POC1B: variants seen among roughly 807,000 people sequenced by gnomAD.
The protein encoded by POC1B is POC1 centriolar protein B, also known as POC1 centriolar protein homolog B.
POC1B carries 44 observed loss-of-function variants against 60.6 expected under a neutral mutation model. That is an observed-to-expected ratio of 0.73 (90% CI 0.57 to 0.93). POC1B has a LOEUF of 0.93. Among genes scored for constraint, POC1B ranks in the 40% least tolerant of loss-of-function variants. POC1B has a pLI of 0.00. For missense variants in POC1B, 555 were observed against 572.3 expected (o/e 0.97, Z 0.31); for synonymous variants, 180 against 198.9 (o/e 0.90, Z 0.80).
intron 4 of POC1B, among the ~76,000 whole-genome samples, chr12:89,474,579 T>A (rs1203012282): frequency 6.6e-6 from 1 of 152,158 alleles, no homozygotes; most frequent in Admixed American, 6.5e-5. Context: ...CTACTGCTTG[T>A]CTCAATTTAC....
At chr12:89,474,367 G>A (rs1883026457) in intron 4 of POC1B, among the ~76,000 whole-genome samples, 1 of 152,080 alleles carries the variant, frequency 6.6e-6, no homozygotes, top group African/African-American at 2.4e-5. Flanking sequence ...AGCAATTATG[G>A]AGAAAAATAT....
intron 4 of POC1B, 135 bp from the exon 5 acceptor site, chr12:89,472,410 C>A: frequency 3.3e-6 from 2 of 606,854 alleles, no homozygotes; most frequent in Non-Finnish European, 5.7e-6. Flanking sequence ...GCAGTAAAGT[C>A]ATATTCTGCA....
chr12:89,523,054 A>T (rs373952499), intron 2 of POC1B: 10 of 1,613,752 alleles, frequency 6.2e-6, no homozygotes, highest in Non-Finnish European at 8.5e-6. Flanking sequence ...TAACTCTGTC[A>T]CAGAATTAAA....
chr12:89,517,564 T>A (rs1870501633), intron 2 of POC1B, among the ~76,000 whole-genome samples: 1 of 151,640 alleles, frequency 6.6e-6, no homozygotes, highest in Admixed American at 6.6e-5. Context: ...ACTTGGGAGA[T>A]GGAGGTTGCA....
chr12:89,448,987 T>C (rs1451273479), intron 10 of POC1B, among the ~76,000 whole-genome samples: 7 of 152,216 alleles, frequency 4.6e-5, no homozygotes, highest in African/African-American at 1.4e-4. Context: ...TCCGTTTTTT[T>C]CCCCACAACC....
chr12:89,413,347 A>G, the POC1B span, among the ~76,000 whole-genome samples: 6 of 152,172 alleles, frequency 3.9e-5, no homozygotes, highest in Non-Finnish European at 8.8e-5. Flanking sequence ...CTAAGACTAT[A>G]GGAATGCACC....
chr12:89,472,305 T>A (rs781186534), intron 4 of POC1B, 30 bp from the exon 5 acceptor site: 1 of 1,458,852 alleles, frequency 6.9e-7, no homozygotes, highest in African/African-American at 1.4e-5. Context: ...AGATGTTTTA[T>A]GTGAAAGGCT....
chr12:89,475,746 G>A (rs920942425), intron 4 of POC1B, among the ~76,000 whole-genome samples: 3 of 152,050 alleles, frequency 2.0e-5, no homozygotes, highest in African/African-American at 4.8e-5. Flanking sequence ...CTTTAAAAAC[G>A]TCTACAAAGT....
intron 2 of POC1B, chr12:89,500,564 T>C (rs1051718549): frequency 3.0e-5 from 48 of 1,606,092 alleles, no homozygotes; most frequent in Non-Finnish European, 4.1e-5. Flanking sequence ...ATCTGTTGGC[T>C]CACCTTCTGT....
intron 9 of POC1B, among the ~76,000 whole-genome samples, chr12:89,466,006 T>C (rs1451627847): frequency 1.1e-4 from 17 of 152,202 alleles, no homozygotes; most frequent in Non-Finnish European, 8.8e-5. Context: ...TACCGTGCAT[T>C]GCTGCTCAGG....
At chr12:89,502,556 A>G in intron 2 of POC1B, 2 of 1,139,572 alleles carry the variant, frequency 1.8e-6, no homozygotes, top group South Asian at 1.3e-5. Flanking sequence ...AAATCTAGGT[A>G]TACCTCTTGG....
intron 10 of POC1B, among the ~76,000 whole-genome samples, chr12:89,452,524 TA>T (rs142799129): frequency 0.017 from 2,602 of 152,250 alleles, 85 homozygotes; most frequent in African/African-American, 0.059. Flanking sequence ...GGACTATTTT[TA>T]AAAACTTTAA....
intron 2 of POC1B, chr12:89,524,845 T>G (rs540193872): frequency 1.3e-5 from 8 of 615,590 alleles, no homozygotes; most frequent in Middle Eastern, 4.3e-4. Context: ...CCCCTCCCCT[T>G]CCCACTCACT....
intron 4 of POC1B, among the ~76,000 whole-genome samples, chr12:89,477,264 G>A (rs914415013): frequency 2.6e-5 from 4 of 152,154 alleles, no homozygotes; most frequent in African/African-American, 7.2e-5. Context: ...AGCATTAGAA[G>A]AGAAACCATC....
chr12:89,515,479 G>C (rs1484599130), intron 2 of POC1B, among the ~76,000 whole-genome samples: 2 of 151,982 alleles, frequency 1.3e-5, no homozygotes, highest in Non-Finnish European at 1.5e-5. Flanking sequence ...AGATAAAGCA[G>C]GAAGTTTTAT....
rs185186994 is a variant in POC1B at position 89,472,847 on chromosome 12, A to G, written c.453-572T>C. On this transcript the variant is annotated intron_variant, in intron 4 of 11. Coordinates refer to ENST00000313546, the MANE Select transcript of POC1B (RefSeq NM_172240.3). Reference sequence around the variant, plus strand: ...ACTGAAAATAGGACAATTCATTTATACAGAACAGAACAGAAGTTCCTTCAT... The same window carrying G: ...ACTGAAAATAGGACAATTCATTTATGCAGAACAGAACAGAAGTTCCTTCAT... 1.9e-4 allele frequency among the ~76,000 whole-genome samples: 29 copies of G among 152,268 alleles called. 1 individual carries two copies. Among genetic ancestry groups the G allele is most frequent in the Non-Finnish European group, 3.7e-4 (25 of 68,058 alleles).
rs1432721295 is a variant in POC1B, at chr12:89,420,959, C to A, written c.*194G>T. ...GATAGTAATTTAAATTAGTCCTTCA[C>A]ATTGATATGTGTTTAAATTAGTCCT... is the stretch of plus-strand genomic sequence containing the variant. On this transcript the variant is annotated 3_prime_UTR_variant, in exon 12 of 12. Coordinates refer to ENST00000313546, the MANE Select transcript of POC1B (RefSeq NM_172240.3). The A allele has an allele frequency of 2.3e-6, 1 of 440,498 alleles. No individual in the cohort carries two copies. The highest frequency in any genetic ancestry group is 4.1e-6 in the Non-Finnish European group (1 of 246,478). The allele number at this position is 440,498 out of a possible 1,614,324, so 27.3% of individuals were successfully genotyped here.
chr12:89,506,118 GA>G (rs1449158947), intron 2 of POC1B, among the ~76,000 whole-genome samples: 9 of 152,208 alleles, frequency 5.9e-5, no homozygotes, highest in Admixed American at 5.9e-4. Flanking sequence ...TGTCAAGTAG[GA>G]AGATGGATAT....
Position 89,524,481 on chromosome 12 carries a change from G to A in POC1B, c.100+639C>T, listed in dbSNP as rs746104374. ...AAGTAGAGACCAAGAGCTCCACGAAGATATAGGCCACTGTTAAAAACGCCA... is the reference window on the plus strand; with the variant it reads ...AAGTAGAGACCAAGAGCTCCACGAAAATATAGGCCACTGTTAAAAACGCCA... On this transcript the variant is annotated intron_variant, in intron 2 of 11. Transcript: ENST00000313546. 10 of 1,613,354 alleles carry A rather than the reference G, an allele frequency of 6.2e-6. No homozygotes were observed. In the African/African-American group the frequency reaches 9.3e-5, roughly 15 times the overall value.
Sources: gnomAD v4.1 joint callset for allele counts (sites outside exome capture counted in the v4.1 genomes callset) on GRCh38, gnomAD v4.1.1 for gene constraint, MANE v1.5 for transcripts, NCBI Gene and HGNC (gene_info 2026-07-23, HGNC 2026-07-21) for gene names.